The following NELL1 variants were observed in gnomAD, a reference collection of about 807,000 sequenced individuals.
NELL1 encodes the protein neural EGFL like 1.
In NELL1, 76 loss-of-function variants were observed where a neutral mutation model predicts 107.4. The observed-to-expected ratio is 0.71, with a 90% CI of 0.59 to 0.86. The LOEUF (loss-of-function observed/expected upper bound fraction) is 0.86. NELL1 is among the 40% of genes least tolerant of loss of function. The pLI is 0.00. For synonymous variants in NELL1, 353 were observed against 341.2 expected (o/e 1.03, Z -0.38); for missense variants, 1,024 against 1,005.5 (o/e 1.02, Z -0.25).
intron 18 of NELL1, among the ~76,000 whole-genome samples, 155 bp downstream of exon 18, chr11:21,571,095 T>C (rs940089386): frequency 2.0e-5 from 3 of 151,888 alleles, no homozygotes; most frequent in Non-Finnish European, 4.4e-5. Flanking sequence ...CCTAAAGATA[T>C]TCAGGTTGTA....
At chr11:21,074,743 CT>C (rs201551237) in intron 12 of NELL1, among the ~76,000 whole-genome samples, 1 of 151,860 alleles carries the variant, frequency 6.6e-6, no homozygotes, top group Admixed American at 6.6e-5. Context: ...CATACAGCAA[CT>C]TTTTTTAAAA....
intron 2 of NELL1, among the ~76,000 whole-genome samples, chr11:20,716,645 G>A (rs1325878839): frequency 6.6e-6 from 1 of 152,188 alleles, no homozygotes. Context: ...CTTATGTCTA[G>A]TGGCAAAATG....
chr11:20,705,285 C>T (rs1055409460), intron 2 of NELL1, among the ~76,000 whole-genome samples: 2 of 152,114 alleles, frequency 1.3e-5, no homozygotes, highest in African/African-American at 4.8e-5. Flanking sequence ...CTACAGTAAC[C>T]AAAACAGCAT....
At chr11:20,891,541 T>C (rs1273612021) in intron 5 of NELL1, among the ~76,000 whole-genome samples, 1 of 152,106 alleles carries the variant, frequency 6.6e-6, no homozygotes, top group African/African-American at 2.4e-5. Context: ...ATGGGCTAAG[T>C]GCCCCAATTA....
chr11:21,367,931 C>G (rs1447356205), intron 14 of NELL1, among the ~76,000 whole-genome samples: 1 of 152,070 alleles, frequency 6.6e-6, no homozygotes, highest in East Asian at 1.9e-4. Context: ...AATTACCAGT[C>G]CTCTGCATAT....
intron 13 of NELL1, among the ~76,000 whole-genome samples, chr11:21,200,679 T>C (rs1857250238): frequency 1.3e-5 from 2 of 152,196 alleles, no homozygotes; most frequent in Non-Finnish European, 2.9e-5. Context: ...TGCCATTGCT[T>C]TTGGTGTTTT....
At chr11:21,236,603 A>G (rs568235446) in intron 14 of NELL1, among the ~76,000 whole-genome samples, 1 of 152,322 alleles carries the variant, frequency 6.6e-6, no homozygotes, top group East Asian at 1.9e-4. Context: ...AGTCCTATAG[A>G]CACTAAATAT....
intron 14 of NELL1, among the ~76,000 whole-genome samples, chr11:21,279,301 A>G (rs551229154): frequency 3.3e-5 from 5 of 152,314 alleles, no homozygotes; most frequent in African/African-American, 1.2e-4. Context: ...TTTGTTCTAG[A>G]AAAGACACTG....
chr11:21,549,879 G>A (rs1856533496), intron 16 of NELL1, among the ~76,000 whole-genome samples: 1 of 151,796 alleles, frequency 6.6e-6, no homozygotes, highest in African/African-American at 2.4e-5. Context: ...ACTTCAATTT[G>A]TGCAGAAATG....
At position 21,555,964 on chromosome 11, in the gene NELL1, A is replaced by G. The variant is rs1228746758; in HGVS notation, c.1787-4225A>G. On this transcript the variant is annotated intron_variant, in intron 16 of 19. Transcript: ENST00000357134. Reference sequence around the variant, plus strand: ...CTGCCACCGCTTAGCCTGGATTTGAAATTTATTGTGCAGGTTAAAATTTCA... The same window carrying G: ...CTGCCACCGCTTAGCCTGGATTTGAGATTTATTGTGCAGGTTAAAATTTCA... Among the ~76,000 whole-genome samples the G allele has an allele frequency of 3.9e-5, 6 of 152,064 alleles. No individual in the cohort carries two copies. The East Asian group carries it at 1.2e-3, about 30-fold the overall frequency.
At chr11:21,348,494 T>C (rs1850733502) in intron 14 of NELL1, among the ~76,000 whole-genome samples, 1 of 152,202 alleles carries the variant, frequency 6.6e-6, no homozygotes, top group Admixed American at 6.6e-5. Context: ...TTACCATTCA[T>C]GAGCTATATA....
chr11:21,481,490 A>G (rs1386850657), intron 15 of NELL1, among the ~76,000 whole-genome samples: 1 of 152,362 alleles, frequency 6.6e-6, no homozygotes, highest in South Asian at 2.1e-4. Context: ...TAAGGGTTGC[A>G]TTAAAGTGGA....
At chr11:20,775,531 A>G (rs189413675) in intron 2 of NELL1, among the ~76,000 whole-genome samples, 1 of 152,210 alleles carries the variant, frequency 6.6e-6, no homozygotes, top group African/African-American at 2.4e-5. Flanking sequence ...TGGAGCTGGC[A>G]TTCATACTTT....
intron 13 of NELL1, among the ~76,000 whole-genome samples, chr11:21,164,210 T>C (rs762562880): frequency 3.0e-4 from 46 of 152,218 alleles, no homozygotes; most frequent in Non-Finnish European, 4.3e-4. Context: ...TGATTTCAAA[T>C]AGATGTAAAC....
rs186449580 is a variant in NELL1, at chr11:20,779,945, C to A, written c.185-3735C>A. The stretch of plus-strand genomic sequence containing the variant: ...TCAAAGTGATCTCAGTCCTTTGAAA[C>A]CTGTCCAGTGTTTCTGCCTGCATAT... On this transcript the variant is annotated intron_variant, in intron 2 of 19. Transcript: ENST00000357134. 5.9e-5 allele frequency among the ~76,000 whole-genome samples: 9 copies of A among 152,296 alleles called. No individual in the cohort carries two copies. In the East Asian group the frequency reaches 1.7e-3, roughly 29 times the overall value.
Position 21,570,875 on chromosome 11 carries a change from A to C in NELL1, c.2092A>C (p.Asn698His). ...AGTCACAAGTCAATGTTTAGACCAA[A>C]ATGGTCACAAGCTGTATCGAAGTGG... is the stretch of plus-strand genomic sequence containing the variant. ...TRVTSQCLDQ[N>H]GHKLYRSGDN... The change falls in exon 18 of 20, where the codon AAT (asparagine) becomes CAT (histidine). Residue 698 changes from asparagine (N) to histidine (H), a missense_variant. Coordinates refer to ENST00000357134, the MANE Select transcript of NELL1 (RefSeq NM_006157.5). 6.2e-7 allele frequency: 1 copy of C among 1,611,972 alleles called. No homozygotes were observed. The highest frequency in any genetic ancestry group is 8.5e-7 in the Non-Finnish European group (1 of 1,178,676).
intron 9 of NELL1, among the ~76,000 whole-genome samples, chr11:20,936,192 G>A (rs948438767): frequency 3.3e-5 from 5 of 152,094 alleles, no homozygotes; most frequent in Admixed American, 6.6e-5. Flanking sequence ...ATGGCCCTTC[G>A]GAGTTGTCCT....
intron 13 of NELL1, among the ~76,000 whole-genome samples, chr11:21,161,568 A>ATC: frequency 6.6e-6 from 1 of 152,194 alleles, no homozygotes; most frequent in Non-Finnish European, 1.5e-5. Context: ...AACTGCTGCC[A>ATC]TCTCTTCTTT....
intron 14 of NELL1, among the ~76,000 whole-genome samples, chr11:21,359,373 C>T (rs191473439): frequency 1.3e-5 from 2 of 152,142 alleles, no homozygotes; most frequent in Admixed American, 6.5e-5. Context: ...CTGTTGGATT[C>T]TGTTAGCTAG....
Sources: allele counts gnomAD v4.1 joint callset (sites outside exome capture counted in the v4.1 genomes callset), GRCh38; gene constraint gnomAD v4.1.1; transcripts MANE v1.5; gene names NCBI Gene and HGNC (gene_info 2026-07-23, HGNC 2026-07-21).